ASRGL1: variants seen among roughly 807,000 people sequenced by gnomAD.
ASRGL1 encodes asparaginase and isoaspartyl peptidase 1, also known as isoaspartyl peptidase/L-asparaginase.
A neutral mutation model predicts 22.4 loss-of-function variants in ASRGL1; 16 were observed. The observed-to-expected ratio is 0.71, with a 90% CI of 0.48 to 1.08. The LOEUF is 1.08. Ranked by LOEUF, ASRGL1 falls within the 50% of genes least tolerant of loss-of-function variation. ASRGL1 has a pLI of 0.00. For synonymous variants in ASRGL1, 165 were observed against 159.3 expected, an observed-to-expected ratio of 1.04 and a Z score of -0.27; for missense variants, 412 against 410.1, an observed-to-expected ratio of 1.00 and a Z score of -0.04.
rs550166970 is a variant in ASRGL1, at chr11:62,371,172, G to A, written c.491+14028G>A. 1.7e-4 allele frequency: 206 copies of A among 1,219,988 alleles called. No homozygotes were observed. The African/African-American group carries it at 3.1e-3, about 18-fold the overall frequency. 75.6% of individuals were successfully genotyped at this position (1,219,988 alleles called of 1,614,324 possible). A position where few individuals can be genotyped will look rare whatever the true frequency, so the allele number is the denominator to read the frequency against. ...AGGCGGCGGTGGCGGCCTGGGAGGAGCTGAGCTCGGGCAACGGCACTGCCC... is the reference window on the plus strand; with the variant it reads ...AGGCGGCGGTGGCGGCCTGGGAGGAACTGAGCTCGGGCAACGGCACTGCCC... On this transcript the variant is annotated intron_variant, in intron 4 of 6. Coordinates refer to ENST00000415229, the MANE Select transcript of ASRGL1 (RefSeq NM_001083926.2).
intron 2 of ASRGL1, among the ~76,000 whole-genome samples, chr11:62,356,058 T>C (rs1038051001): frequency 6.6e-6 from 1 of 152,236 alleles, no homozygotes; most frequent in Admixed American, 6.5e-5. Context: ...GACTTCTCAA[T>C]CTTTTCCCCA....
chr11:62,370,204 A>G (rs943025662), intron 4 of ASRGL1, among the ~76,000 whole-genome samples: 5 of 152,218 alleles, frequency 3.3e-5, no homozygotes, highest in Admixed American at 3.3e-4. Flanking sequence ...AGGGATCCAC[A>G]CGCCTTCTCT....
rs145798440 is a variant in ASRGL1 at position 62,352,012 on chromosome 11, G to A, written c.191-4313G>A. ...GCCATTCTTTTAGGTTAGGCCTGCT[G>A]GCAACAAATTGTTTCCATTTGCCCT... On this transcript the variant is annotated intron_variant, in intron 2 of 6. Coordinates refer to ENST00000415229, the MANE Select transcript of ASRGL1 (RefSeq NM_001083926.2). Among the ~76,000 whole-genome samples, 70 of 152,250 alleles carry A rather than the reference G, an allele frequency of 4.6e-4. 1 individual carries two copies. In the East Asian group the frequency reaches 0.012, roughly 26 times the overall value.
intron 2 of ASRGL1, among the ~76,000 whole-genome samples, chr11:62,345,200 C>G (rs1012353641): frequency 6.6e-6 from 1 of 152,190 alleles, no homozygotes; most frequent in Non-Finnish European, 1.5e-5. Context: ...CCTCCATATA[C>G]TGATTTCCTT....
At chr11:62,389,592 T>G (rs1055439932) in intron 5 of ASRGL1, 1 of 379,064 alleles carries the variant, frequency 2.6e-6, no homozygotes, top group Non-Finnish European at 5.1e-6. Context: ...GCAGACTTAC[T>G]TGAGTAAGAC....
intron 4 of ASRGL1, chr11:62,371,203 A>G (rs1946752224): frequency 8.2e-7 from 1 of 1,216,428 alleles, no homozygotes; most frequent in African/African-American, 1.6e-5. Context: ...TGCCCACGCC[A>G]GGGCCCAGGA....
the ASRGL1 span, among the ~76,000 whole-genome samples, chr11:62,399,552 C>T: frequency 3.9e-5 from 6 of 152,238 alleles, no homozygotes; most frequent in Admixed American, 3.9e-4. Flanking sequence ...CTGTCTCTAA[C>T]CACCATGGCT....
At chr11:62,343,997 C>T (rs1316622976) in intron 2 of ASRGL1, among the ~76,000 whole-genome samples, 1 of 139,990 alleles carries the variant, frequency 7.1e-6, no homozygotes, top group African/African-American at 2.6e-5. Context: ...GGCGCGATCT[C>T]AGCTCACCGC....
intron 4 of ASRGL1, among the ~76,000 whole-genome samples, chr11:62,358,220 A>G (rs891533780): frequency 6.6e-6 from 1 of 152,152 alleles, no homozygotes; most frequent in South Asian, 2.1e-4. Context: ...GATACAAAAA[A>G]TTAGCCAGGC....
chr11:62,378,493 A>T (rs1054128798), intron 4 of ASRGL1, among the ~76,000 whole-genome samples: 6 of 152,106 alleles, frequency 3.9e-5, no homozygotes, highest in African/African-American at 1.5e-4. Context: ...TATGGCTGGT[A>T]TAGTAAAGGC....
chr11:62,338,204 A>G (rs1461013455), intron 2 of ASRGL1, 37 bp downstream of exon 2: 2 of 1,488,432 alleles, frequency 1.3e-6, no homozygotes, highest in Non-Finnish European at 1.8e-6. Context: ...AATGTGAGTC[A>G]GGTCAAGCTC....
chr11:62,369,474 A>G lies in ASRGL1; in HGVS notation c.491+12330A>G, dbSNP rs536724924. ...ACATAACCCTTTTCTTTTTGACAAA[A>G]CTGCCATCATCATCATGGCTCGTTC... On this transcript the variant is annotated intron_variant, in intron 4 of 6. Transcript: ENST00000415229. 5.9e-5 allele frequency among the ~76,000 whole-genome samples: 9 copies of G among 152,064 alleles called. No homozygotes were observed. The East Asian group carries it at 1.5e-3, about 26-fold the overall frequency.
At chr11:62,379,050 G>A (rs938479162) in intron 4 of ASRGL1, among the ~76,000 whole-genome samples, 2 of 151,970 alleles carry the variant, frequency 1.3e-5, no homozygotes, top group African/African-American at 4.8e-5. Context: ...AGTGATTTCT[G>A]CACCCCATTG....
In ASRGL1 at chr11:62,357,164, C is replaced by T. The variant is rs200861693; in HGVS notation, c.491+20C>T. The stretch of plus-strand genomic sequence containing the variant: ...TCAAAAGTAAGTCTTACCTGTGGCT[C>T]GCATTATTTGGGAGTTATTAAAATA... On this transcript the variant is annotated intron_variant, in intron 4 of 6. Coordinates refer to ENST00000415229, the MANE Select transcript of ASRGL1 (RefSeq NM_001083926.2). The T allele has an allele frequency of 3.3e-5, 53 of 1,607,888 alleles. No homozygotes were observed. Among genetic ancestry groups the T allele is most frequent in the African/African-American group, 5.4e-5 (4 of 74,296 alleles).
At chr11:62,347,404 G>A (rs1946053506) in intron 2 of ASRGL1, among the ~76,000 whole-genome samples, 1 of 152,072 alleles carries the variant, frequency 6.6e-6, no homozygotes, top group East Asian at 1.9e-4. Flanking sequence ...TGAAAGTTCA[G>A]GCCCTCTGAT....
At chr11:62,372,391 G>C (rs1209709393) in intron 4 of ASRGL1, 2 of 1,561,586 alleles carry the variant, frequency 1.3e-6, no homozygotes, top group Non-Finnish European at 1.8e-6. Flanking sequence ...AAAATGGCCT[G>C]TGAGGCTGCA....
downstream of ASRGL1, among the ~76,000 whole-genome samples, chr11:62,394,146 CATTT>C (rs72273534): frequency 0.24 from 32,166 of 135,810 alleles, 4,146 homozygotes; most frequent in South Asian, 0.37. Context: ...AAATATATAA[CATTT>C]ATATAATACA....
At chr11:62,393,792 T>C (rs549381890), downstream of ASRGL1, among the ~76,000 whole-genome samples, 18 of 152,106 alleles carry the variant, frequency 1.2e-4, no homozygotes, top group African/African-American at 4.1e-4. Context: ...CAGAAATTTA[T>C]TAATATTTTC....
intron 5 of ASRGL1, 151 bp from the exon 6 acceptor site, chr11:62,391,371 A>G: frequency 8.3e-7 from 1 of 1,204,986 alleles, no homozygotes; most frequent in Non-Finnish European, 1.1e-6. Context: ...TTTCTAGTCC[A>G]CCTTTGCCTC....
Sources: allele counts gnomAD v4.1 joint callset (sites outside exome capture counted in the v4.1 genomes callset), GRCh38; gene constraint gnomAD v4.1.1; transcripts MANE v1.5; gene names NCBI Gene and HGNC (gene_info 2026-07-23, HGNC 2026-07-21).